The following NF1 variants were observed in gnomAD, a reference collection of about 807,000 sequenced individuals.
NF1 encodes the protein neurofibromin 1, also known as neurofibromin.
Under a neutral mutation model 325.7 loss-of-function variants are expected in NF1, and 122 were observed. The observed-to-expected ratio is 0.37, with a 90% CI of 0.32 to 0.44. NF1 has a LOEUF of 0.44. Among genes scored for constraint, NF1 ranks in the 20% least tolerant of loss-of-function variants. The pLI is 1.00. For synonymous variants in NF1, 1,091 were observed against 1,186.0 expected (o/e 0.92, Z 1.65); for missense variants, 2,140 against 3,415.4 (o/e 0.63, Z 9.31).
chr17:31,366,663 A>C (rs1286798168), intron 57 of NF1, among the ~76,000 whole-genome samples: 2 of 152,130 alleles, frequency 1.3e-5, no homozygotes, highest in Non-Finnish European at 2.9e-5. Flanking sequence ...CTGAGGTGGG[A>C]GGATTGCTTG....
chr17:31,347,124 A>C (rs1212723436), intron 48 of NF1, among the ~76,000 whole-genome samples: 3 of 151,608 alleles, frequency 2.0e-5, no homozygotes, highest in African/African-American at 7.3e-5. Context: ...TAAATGTTGT[A>C]AGATCATATC....
At chr17:31,250,178 AC>A in intron 30 of NF1, 1 of 334,936 alleles carries the variant, frequency 3.0e-6, no homozygotes, top group Non-Finnish European at 5.8e-6. Flanking sequence ...ATTTATCATG[AC>A]TTTTCTGCCT....
intron 31 of NF1, chr17:31,254,038 G>T (rs2067537350): frequency 6.6e-6 from 1 of 151,982 alleles, no homozygotes. Flanking sequence ...GACCAAGGTG[G>T]GAGTATCTCT....
intron 5 of NF1, among the ~76,000 whole-genome samples, chr17:31,180,351 A>G (rs1392660556): frequency 6.6e-6 from 1 of 152,070 alleles, no homozygotes; most frequent in African/African-American, 2.4e-5. Context: ...TCAATAAAAT[A>G]ATGGCAAACT....
At chr17:31,263,075 A>AGGTAGG (rs2067715942) in intron 35 of NF1, among the ~76,000 whole-genome samples, 2 of 140,560 alleles carry the variant, frequency 1.4e-5, no homozygotes, top group African/African-American at 5.7e-5. Flanking sequence ...AGGTAGATAG[A>AGGTAGG]TAGGTAGGTA....
intron 36 of NF1, among the ~76,000 whole-genome samples, chr17:31,279,069 T>C (rs544007190): frequency 3.5e-4 from 53 of 152,166 alleles, no homozygotes; most frequent in African/African-American, 1.2e-3. Context: ...TGAGACCCTG[T>C]CTCTACAAAG....
At chr17:31,189,819 T>C (rs1172800342) in intron 8 of NF1, among the ~76,000 whole-genome samples, 1 of 147,356 alleles carries the variant, frequency 6.8e-6, no homozygotes, top group Non-Finnish European at 1.5e-5. Flanking sequence ...TGGAGTGCAA[T>C]GGCACAATCT....
intron 35 of NF1, among the ~76,000 whole-genome samples, chr17:31,264,170 G>A (rs1314398423): frequency 6.6e-6 from 1 of 152,138 alleles, no homozygotes; most frequent in Non-Finnish European, 1.5e-5. Context: ...AGGCCGAGGT[G>A]GGTAGATCAC....
intron 1 of NF1, among the ~76,000 whole-genome samples, chr17:31,100,588 G>A (rs1011953217): frequency 1.1e-4 from 17 of 151,456 alleles, no homozygotes; most frequent in Non-Finnish European, 2.4e-4. Flanking sequence ...TATTTATTTT[G>A]AGATGGAGTC....
In NF1 at chr17:31,170,076, T is replaced by C. The variant is rs1029515387; in HGVS notation, c.586+79T>C. ...ATCATGAATGTACTAATTATATTAA[T>C]TGTGCTGAACTAGAACACCAAACTG... On this transcript the variant is annotated intron_variant, in intron 5 of 57. Coordinates refer to ENST00000358273, the MANE Select transcript of NF1 (RefSeq NM_001042492.3). The C allele has an allele frequency of 5.4e-6, 5 of 923,776 alleles. No individual in the cohort carries two copies. The African/African-American group carries it at 6.6e-5, about 12-fold the overall frequency. 57.2% of individuals were successfully genotyped at this position (923,776 alleles called of 1,614,324 possible). A position where few individuals can be genotyped will look rare whatever the true frequency, so the allele number is the denominator to read the frequency against.
rs1171839143 is a variant in NF1, at chr17:31,119,461, G to GTT, written c.60+24103_60+24104dup. 3.7e-3 allele frequency among the ~76,000 whole-genome samples: 531 copies of GTT among 144,942 alleles called. 1 individual carries two copies. Among genetic ancestry groups the GTT allele is most frequent in the African/African-American group, 0.012 (495 of 39,868 alleles). On this transcript the variant is annotated intron_variant, in intron 1 of 57. Transcript: ENST00000358273. ...ATATCCTTCGTCCACTTTTTGATGG[G>GTT]TTTTTTTTTTTTCTTGTAAATTTAA...
At chr17:31,264,738 A>G (rs1369290361) in intron 35 of NF1, among the ~76,000 whole-genome samples, 5 of 152,246 alleles carry the variant, frequency 3.3e-5, no homozygotes, top group Admixed American at 1.3e-4. Context: ...GGAACATAAT[A>G]TATGCTAAAG....
chr17:31,187,731 C>T (rs940373519), intron 8 of NF1, among the ~76,000 whole-genome samples: 2 of 152,122 alleles, frequency 1.3e-5, no homozygotes, highest in African/African-American at 4.8e-5. Context: ...CCTAGTGATC[C>T]ACTAGAAAAT....
At chr17:31,161,670 TA>T (rs1358410576) in intron 3 of NF1, among the ~76,000 whole-genome samples, 2 of 152,220 alleles carry the variant, frequency 1.3e-5, no homozygotes, top group Non-Finnish European at 2.9e-5. Flanking sequence ...TGATGTAATA[TA>T]ACCTATAGTG....
At position 31,374,652 on chromosome 17, in the gene NF1, C is replaced by CT. The variant is rs943101870; in HGVS notation, c.*506dup. 1.4e-4 allele frequency: 35 copies of CT among 241,592 alleles called. No homozygotes were observed. The highest frequency in any genetic ancestry group is 1.3e-3 in the Middle Eastern group (1 of 788). The allele number at this position is 241,592 out of a possible 1,614,324, so 15.0% of individuals were successfully genotyped here. ...GTATGTTTAATCTTTTAGCTGTGGA[C>CT]TTTTTTTTTAACCGTACAAAACTGA... On this transcript the variant is annotated 3_prime_UTR_variant, in exon 58 of 58. Transcript: ENST00000358273.
intron 3 of NF1, among the ~76,000 whole-genome samples, chr17:31,159,491 T>C (rs1184767635): frequency 1.3e-5 from 2 of 152,204 alleles, no homozygotes; most frequent in African/African-American, 2.4e-5. Context: ...ATTCTACTTT[T>C]GAAATTTATG....
chr17:31,160,982 T>C (rs1177148034), intron 3 of NF1, among the ~76,000 whole-genome samples: 1 of 152,252 alleles, frequency 6.6e-6, no homozygotes, highest in African/African-American at 2.4e-5. Flanking sequence ...CTATTTATAT[T>C]ATTGAACAAT....
chr17:31,251,266 A>G lies in NF1; in HGVS notation c.4111-1672A>G, dbSNP rs572690988. The G allele has an allele frequency of 1.9e-5, 4 of 208,362 alleles. No individual in the cohort carries two copies. The South Asian group carries it at 7.5e-4, about 39-fold the overall frequency. The allele number at this position is 208,362 out of a possible 1,614,324, so 12.9% of individuals were successfully genotyped here. ...TCTGTGTTCTGCCTGGAGGGATAGTAGTCCCTTTGGGACCTACTGGGGAAA... is the reference window on the plus strand; with the variant it reads ...TCTGTGTTCTGCCTGGAGGGATAGTGGTCCCTTTGGGACCTACTGGGGAAA... On this transcript the variant is annotated intron_variant, in intron 30 of 57. Coordinates refer to ENST00000358273, the MANE Select transcript of NF1 (RefSeq NM_001042492.3).
At chr17:31,297,050 G>A (rs1255124704) in intron 36 of NF1, 1 of 152,144 alleles carries the variant, frequency 6.6e-6, no homozygotes, top group Non-Finnish European at 1.5e-5. Context: ...TCTGGTGCAT[G>A]CACTTGCTAT....
Sources: allele counts gnomAD v4.1 joint callset (sites outside exome capture counted in the v4.1 genomes callset), GRCh38; gene constraint gnomAD v4.1.1; transcripts MANE v1.5; gene names NCBI Gene and HGNC (gene_info 2026-07-23, HGNC 2026-07-21).